The following GNA12 variants were observed in gnomAD, a reference collection of about 807,000 sequenced individuals.
GNA12 encodes the protein G protein subunit alpha 12, also known as guanine nucleotide-binding protein subunit alpha-12.
A neutral mutation model predicts 26.0 loss-of-function variants in GNA12; 9 were observed. The observed-to-expected ratio is 0.35, with a 90% CI of 0.21 to 0.60. GNA12 has a LOEUF of 0.60. Among genes scored for constraint, GNA12 ranks in the 20% least tolerant of loss-of-function variants. GNA12 has a pLI of 0.78. For synonymous variants in GNA12, 264 were observed against 219.6 expected (o/e 1.20, Z -1.79); for missense variants, 405 against 525.8 (o/e 0.77, Z 2.25).
At chr7:2,781,750 G>A (rs1229307670) in intron 2 of GNA12, among the ~76,000 whole-genome samples, 4 of 152,062 alleles carry the variant, frequency 2.6e-5, no homozygotes, top group African/African-American at 9.7e-5. Flanking sequence ...TTAGCTTGCA[G>A]GCCAAAGTTT....
At chr7:2,753,917 T>C (rs1007705607) in intron 2 of GNA12, among the ~76,000 whole-genome samples, 5 of 152,164 alleles carry the variant, frequency 3.3e-5, no homozygotes, top group African/African-American at 7.2e-5. Flanking sequence ...GGAGAGCTCA[T>C]GTATGGGTTA....
chr7:2,771,326 C>T (rs930187455), intron 2 of GNA12, among the ~76,000 whole-genome samples: 7 of 152,180 alleles, frequency 4.6e-5, no homozygotes, highest in African/African-American at 9.6e-5. Context: ...AAAACGAAAC[C>T]GCACATAGTG....
intron 2 of GNA12, chr7:2,762,038 G>A: frequency 6.6e-6 from 1 of 152,500 alleles, no homozygotes; most frequent in Non-Finnish European, 1.5e-5. Context: ...GAGAACTGCG[G>A]CTCCATCCGC....
intron 1 of GNA12, chr7:2,814,302 T>A (rs745428281): frequency 6.1e-6 from 9 of 1,471,622 alleles, no homozygotes; most frequent in Non-Finnish European, 8.6e-6. Context: ...TTGAACGGAG[T>A]GAGACTCACC....
intron 1 of GNA12, among the ~76,000 whole-genome samples, chr7:2,822,335 G>A (rs749332011): frequency 6.6e-6 from 1 of 152,214 alleles, no homozygotes; most frequent in African/African-American, 2.4e-5. Context: ...AGCATCTGTA[G>A]ACAGTCCAGT....
chr7:2,762,990 GCTA>G (rs1351643121), intron 2 of GNA12: 1 of 1,304,650 alleles, frequency 7.7e-7, no homozygotes, highest in African/African-American at 1.5e-5. Flanking sequence ...GCCCTTGTGT[GCTA>G]CTGTGGTCGC....
intron 1 of GNA12, among the ~76,000 whole-genome samples, chr7:2,811,543 T>C (rs1388662467): frequency 6.6e-6 from 1 of 152,206 alleles, no homozygotes; most frequent in Non-Finnish European, 1.5e-5. Flanking sequence ...TTGCCAACTA[T>C]ATAGACTTCT....
At chr7:2,759,146 A>T (rs1791438426) in intron 2 of GNA12, among the ~76,000 whole-genome samples, 1 of 110,388 alleles carries the variant, frequency 9.1e-6, no homozygotes, top group Admixed American at 9.7e-5. Context: ...TCTCAAAATA[A>T]ATAAATAAAT....
rs1792620284 is a variant in GNA12 at position 2,794,950 on chromosome 7, C to A, written c.503G>T (p.Ser168Ile). The stretch of plus-strand genomic sequence containing the variant: ...CACCAGCTGAAACTCGCTTCTCCGG[C>A]TGAAAGCCTCCCTGATGCCAGAATC... Reference protein sequence around the residue: ...WRDSGIREAFSRRSEFQLGES... With the variant: ...WRDSGIREAFIRRSEFQLGES... Residue 168 changes from serine to isoleucine, a missense_variant, in exon 2 of 4, where the codon AGC becomes ATC. Coordinates refer to ENST00000275364, the MANE Select transcript of GNA12 (RefSeq NM_007353.3). 6.2e-7 allele frequency: 1 copy of A among 1,614,138 alleles called. No homozygotes were observed.
intron 1 of GNA12, among the ~76,000 whole-genome samples, chr7:2,809,660 A>G (rs1793032420): frequency 6.6e-6 from 1 of 152,204 alleles, no homozygotes; most frequent in South Asian, 2.1e-4. Context: ...AGTACAATAA[A>G]AATGAAAAAG....
At chr7:2,787,625 C>A (rs141833057) in intron 2 of GNA12, among the ~76,000 whole-genome samples, 205 of 152,344 alleles carry the variant, frequency 1.3e-3, no homozygotes, top group African/African-American at 4.8e-3. Flanking sequence ...AGCCAAGACA[C>A]AGAGGCTTAA....
intron 2 of GNA12, among the ~76,000 whole-genome samples, chr7:2,751,714 T>C (rs1791048571): frequency 6.6e-6 from 1 of 152,254 alleles, no homozygotes; most frequent in African/African-American, 2.4e-5. Flanking sequence ...TGACAGGTAT[T>C]AAGAGAATGT....
intron 1 of GNA12, among the ~76,000 whole-genome samples, chr7:2,797,476 T>C (rs949111976): frequency 2.6e-5 from 4 of 152,038 alleles, no homozygotes; most frequent in Admixed American, 2.6e-4. Flanking sequence ...AATAACAGTT[T>C]TACTGTGCTA....
intron 2 of GNA12, among the ~76,000 whole-genome samples, chr7:2,735,005 G>C (rs1358795665): frequency 1.3e-5 from 2 of 152,190 alleles, no homozygotes; most frequent in African/African-American, 4.8e-5. Flanking sequence ...GAGGCCGGTG[G>C]GGCAGCCGCC....
chr7:2,764,028 TC>T (rs1791697497), intron 2 of GNA12, among the ~76,000 whole-genome samples: 1 of 152,160 alleles, frequency 6.6e-6, no homozygotes, highest in South Asian at 2.1e-4. Flanking sequence ...CTAGAAGTCT[TC>T]CTAAGGCTGC....
chr7:2,820,143 T>C (rs1793317385), intron 1 of GNA12, among the ~76,000 whole-genome samples: 1 of 152,150 alleles, frequency 6.6e-6, no homozygotes, highest in Non-Finnish European at 1.5e-5. Context: ...TCCATTTACA[T>C]AAAATGTTCA....
intron 3 of GNA12, among the ~76,000 whole-genome samples, chr7:2,732,496 C>G (rs114233720): frequency 6.6e-6 from 1 of 152,084 alleles, no homozygotes; most frequent in African/African-American, 2.4e-5. Context: ...CAATGAGTTA[C>G]GATCGTGCCA....
intron 2 of GNA12, among the ~76,000 whole-genome samples, chr7:2,786,537 C>G (rs1051312739): frequency 2.0e-5 from 3 of 152,130 alleles, no homozygotes; most frequent in Non-Finnish European, 4.4e-5. Flanking sequence ...GAAAACTAAA[C>G]GTATAAACAT....
chr7:2,832,189 G>A (rs953639199), intron 1 of GNA12, among the ~76,000 whole-genome samples: 2 of 152,156 alleles, frequency 1.3e-5, no homozygotes, highest in Non-Finnish European at 2.9e-5. Context: ...ACTAGGCAAG[G>A]CCTCCCCTCT....
Sources: allele counts gnomAD v4.1 joint callset (sites outside exome capture counted in the v4.1 genomes callset), GRCh38; gene constraint gnomAD v4.1.1; transcripts MANE v1.5; gene names NCBI Gene and HGNC (gene_info 2026-07-23, HGNC 2026-07-21).